Variants in SUGCT observed in about 807,000 individuals in gnomAD.
SUGCT encodes the protein succinyl-CoA:glutarate CoA-transferase.
A neutral mutation model predicts 55.0 loss-of-function variants in SUGCT; 41 were observed. That is an observed-to-expected ratio of 0.74 (90% confidence interval 0.58 to 0.97). SUGCT has a LOEUF of 0.97. Ranked by LOEUF, SUGCT falls within the 50% of genes least tolerant of loss-of-function variation. The pLI, the probability that SUGCT is intolerant of heterozygous loss-of-function variation, is 0.00. For synonymous variants in SUGCT, 187 were observed against 200.4 expected (o/e 0.93, Z 0.56); for missense variants, 568 against 547.8 (o/e 1.04, Z -0.37).
rs1023665301 is a variant in SUGCT, at chr7:40,509,518, C to A, written c.1089+13132C>A. On this transcript the variant is annotated intron_variant, in intron 12 of 13. Coordinates refer to ENST00000335693, the MANE Select transcript of SUGCT (RefSeq NM_001193313.2). ...TTGTCACTGCTGCTGTTACCATTGT[C>A]AGCAGAGGATTGCCTGAAGTCCAGC... is the stretch of plus-strand genomic sequence containing the variant. Among the ~76,000 whole-genome samples, 4 of 152,286 alleles carry A rather than the reference C, an allele frequency of 2.6e-5. No individual in the cohort carries two copies. In the East Asian group the frequency reaches 7.7e-4, roughly 29 times the overall value.
intron 1 of SUGCT, among the ~76,000 whole-genome samples, chr7:40,142,226 G>C (rs1788027909): frequency 6.6e-6 from 1 of 152,152 alleles, no homozygotes; most frequent in South Asian, 2.1e-4. Context: ...AGTCAGGGTA[G>C]AGCAGATAAT....
intron 9 of SUGCT, among the ~76,000 whole-genome samples, chr7:40,392,333 G>A (rs1331210018): frequency 6.6e-6 from 1 of 152,094 alleles, no homozygotes; most frequent in African/African-American, 2.4e-5. Context: ...ATTAGATATA[G>A]AGATGAAAAA....
At chr7:40,950,721 G>C in the SUGCT span, among the ~76,000 whole-genome samples, 2 of 152,162 alleles carry the variant, frequency 1.3e-5, no homozygotes. Context: ...TAATCGTGTG[G>C]TTTTTGTCTT....
chr7:40,827,632 C>T (rs556989378), intron 13 of SUGCT, among the ~76,000 whole-genome samples: 8 of 152,226 alleles, frequency 5.3e-5, no homozygotes, highest in East Asian at 3.9e-4. Context: ...ATTTCTCCTC[C>T]GGGGCGTGTC....
rs10256095 is a variant in SUGCT at position 40,206,575 on chromosome 7, C to T, written c.484+11515C>T. On this transcript the variant is annotated intron_variant, in intron 6 of 13. Coordinates refer to ENST00000335693, the MANE Select transcript of SUGCT (RefSeq NM_001193313.2). ...ATCAAAGTTTAAGAAATTTGGCAAA[C>T]GTACAGTTAAGTTTATATGAGGGAT... Among the ~76,000 whole-genome samples the T allele has an allele frequency of 6.2e-3, 941 of 152,212 alleles. 7 individuals carry two copies. The highest frequency in any genetic ancestry group is 0.021 in the African/African-American group (873 of 41,540).
rs76783401 is a variant in SUGCT at position 40,153,975 on chromosome 7, C to T, written c.100+18855C>T. 526 of 296,056 alleles carry T rather than the reference C, an allele frequency of 1.8e-3. 17 individuals carry two copies. In the East Asian group the frequency reaches 0.034, roughly 19 times the overall value. 18.3% of individuals were successfully genotyped at this position (296,056 alleles called of 1,614,324 possible). A position where few individuals can be genotyped will look rare whatever the true frequency, so the allele number is the denominator to read the frequency against. ...TACACCTACAACAGGCCAAGCTGTA[C>T]GATGTACTCAGGACGCGAAATGCTT... On this transcript the variant is annotated intron_variant, in intron 1 of 13. Coordinates refer to ENST00000335693, the MANE Select transcript of SUGCT (RefSeq NM_001193313.2).
At chr7:40,519,884 A>G (rs1214290661) in intron 12 of SUGCT, among the ~76,000 whole-genome samples, 1 of 152,112 alleles carries the variant, frequency 6.6e-6, no homozygotes, top group Non-Finnish European at 1.5e-5. Context: ...GATAATTTAG[A>G]AAGGTGTCCA....
At chr7:40,467,165 G>A (rs1219878239) in intron 11 of SUGCT, among the ~76,000 whole-genome samples, 1 of 127,204 alleles carries the variant, frequency 7.9e-6, no homozygotes, top group Non-Finnish European at 1.5e-5. Context: ...TCGTGCCACT[G>A]CACTCCAGCC....
In SUGCT at chr7:40,655,943, C is replaced by T. The variant is rs187474251; in HGVS notation, c.1090-93491C>T. Among the ~76,000 whole-genome samples the T allele has an allele frequency of 3.2e-3, 494 of 152,160 alleles. 3 individuals carry two copies. Among genetic ancestry groups the T allele is most frequent in the African/African-American group, 0.011 (469 of 41,510 alleles). On this transcript the variant is annotated intron_variant, in intron 12 of 13. Coordinates refer to ENST00000335693, the MANE Select transcript of SUGCT (RefSeq NM_001193313.2). ...ATTATATTTGCCAAAAACATATTGC[C>T]TTTGGAAAAATAAGTTGTTAAATAA...
chr7:40,550,170 T>C (rs892071524), intron 12 of SUGCT, among the ~76,000 whole-genome samples: 1 of 152,206 alleles, frequency 6.6e-6, no homozygotes, highest in Non-Finnish European at 1.5e-5. Context: ...TCTATGCTGG[T>C]GGCTCTACTA....
At chr7:40,449,983 A>G (rs1220804589) in intron 10 of SUGCT, among the ~76,000 whole-genome samples, 1 of 152,086 alleles carries the variant, frequency 6.6e-6, no homozygotes, top group African/African-American at 2.4e-5. Context: ...AGCATTTACT[A>G]AACTTCGCCA....
intron 9 of SUGCT, among the ~76,000 whole-genome samples, chr7:40,321,405 C>CA (rs111663317): frequency 0.075 from 10,571 of 141,338 alleles, 1,173 homozygotes; most frequent in African/African-American, 0.25. Flanking sequence ...TTTATTTTGA[C>CA]AGAGTCTTGC....
At chr7:40,873,407 C>T in the SUGCT span, among the ~76,000 whole-genome samples, 2 of 152,222 alleles carry the variant, frequency 1.3e-5, no homozygotes, top group Admixed American at 1.3e-4. Context: ...ATGGGAAGGG[C>T]ATCTGGCAAC....
intron 1 of SUGCT, among the ~76,000 whole-genome samples, chr7:40,138,699 G>A (rs1404013397): frequency 6.6e-6 from 1 of 152,086 alleles, no homozygotes; most frequent in African/African-American, 2.4e-5. Context: ...ATTCTGTTGT[G>A]TGTAAGATGA....
chr7:40,781,331 T>C (rs1789734834), intron 13 of SUGCT, among the ~76,000 whole-genome samples: 1 of 152,148 alleles, frequency 6.6e-6, no homozygotes, highest in African/African-American at 2.4e-5. Flanking sequence ...AATAAAATGA[T>C]AGCGATGGAA....
intron 11 of SUGCT, among the ~76,000 whole-genome samples, chr7:40,463,385 C>T (rs1789925023): frequency 6.6e-6 from 1 of 152,162 alleles, no homozygotes; most frequent in Non-Finnish European, 1.5e-5. Context: ...TGTAAATATA[C>T]ACGTGAATTT....
chr7:40,428,198 C>T (rs1787696967), intron 9 of SUGCT, among the ~76,000 whole-genome samples: 1 of 152,134 alleles, frequency 6.6e-6, no homozygotes, highest in South Asian at 2.1e-4. Context: ...TACCTCTGCC[C>T]TCTTTTAGTT....
intron 12 of SUGCT, among the ~76,000 whole-genome samples, chr7:40,670,136 A>G (rs1345003234): frequency 7.1e-6 from 1 of 140,866 alleles, no homozygotes; most frequent in African/African-American, 2.7e-5. Context: ...AGGAAACTGC[A>G]CTCCAGCCTG....
At chr7:40,279,671 C>A (rs148345741) in intron 8 of SUGCT, among the ~76,000 whole-genome samples, 2 of 151,920 alleles carry the variant, frequency 1.3e-5, no homozygotes, top group African/African-American at 2.4e-5. Context: ...ATTATGATAA[C>A]GTTTCATAAT....
Sources: allele counts gnomAD v4.1 joint callset (sites outside exome capture counted in the v4.1 genomes callset), GRCh38; gene constraint gnomAD v4.1.1; transcripts MANE v1.5; gene names NCBI Gene and HGNC (gene_info 2026-07-23, HGNC 2026-07-21).